The following SGCZ variants were observed in gnomAD, a reference collection of about 807,000 sequenced individuals.
SGCZ encodes the protein zeta-sarcoglycan.
Under a neutral mutation model 41.3 loss-of-function variants are expected in SGCZ, and 40 were observed. That is an observed-to-expected ratio of 0.97 (90% CI 0.75 to 1.26). SGCZ has a LOEUF of 1.26. SGCZ is among the 50% of genes most tolerant of loss of function. SGCZ has a pLI of 0.00. For synonymous variants in SGCZ, 206 were observed against 137.5 expected (o/e 1.50, Z -3.49); for missense variants, 552 against 369.8 (o/e 1.49, Z -4.04).
intron 1 of SGCZ, among the ~76,000 whole-genome samples, chr8:14,629,594 A>C (rs1019465350): frequency 6.6e-6 from 1 of 152,048 alleles, no homozygotes; most frequent in Admixed American, 6.6e-5. Context: ...CTGGAAAGTG[A>C]CTTGTTGGAA....
At chr8:14,823,942 C>A (rs1242897140) in intron 1 of SGCZ, among the ~76,000 whole-genome samples, 1 of 151,162 alleles carries the variant, frequency 6.6e-6, no homozygotes, top group African/African-American at 2.4e-5. Context: ...TGGATGAACA[C>A]AGAGGACATG....
chr8:14,239,899 C>A, intron 3 of SGCZ, among the ~76,000 whole-genome samples: 1 of 83,428 alleles, frequency 1.2e-5, no homozygotes, highest in Admixed American at 1.5e-4. Flanking sequence ...GAGACTCCGT[C>A]TCAAAAAAAA....
intron 1 of SGCZ, among the ~76,000 whole-genome samples, chr8:14,788,081 A>T (rs572687750): frequency 3.9e-5 from 6 of 152,174 alleles, no homozygotes; most frequent in Non-Finnish European, 7.3e-5. Context: ...TACCAAAAGG[A>T]AAGTTACTGT....
intron 1 of SGCZ, among the ~76,000 whole-genome samples, chr8:15,114,107 A>T (rs1337467708): frequency 6.6e-6 from 1 of 152,176 alleles, no homozygotes; most frequent in Non-Finnish European, 1.5e-5. Context: ...GCTTAATTCT[A>T]TTTAATGTAA....
At chr8:14,868,276 G>A (rs1254309374) in intron 1 of SGCZ, among the ~76,000 whole-genome samples, 2 of 152,146 alleles carry the variant, frequency 1.3e-5, no homozygotes, top group Non-Finnish European at 2.9e-5. Context: ...GGTAAGCTCT[G>A]CTCAAATCTT....
intron 4 of SGCZ, among the ~76,000 whole-genome samples, chr8:14,195,076 G>C (rs1184022608): frequency 6.6e-6 from 1 of 152,026 alleles, no homozygotes; most frequent in Non-Finnish European, 1.5e-5. Flanking sequence ...AGATTACTAG[G>C]CATTAACAGG....
At chr8:14,966,108 T>C (rs2061982) in intron 1 of SGCZ, among the ~76,000 whole-genome samples, 2 of 151,682 alleles carry the variant, frequency 1.3e-5, no homozygotes, top group Non-Finnish European at 2.9e-5. Flanking sequence ...TGAAAAGCTA[T>C]AAGAAAGGCT....
At chr8:14,621,362 A>T (rs1336066686) in intron 1 of SGCZ, among the ~76,000 whole-genome samples, 6 of 151,878 alleles carry the variant, frequency 4.0e-5, no homozygotes, top group African/African-American at 1.5e-4. Flanking sequence ...GGTGCAGCAC[A>T]CCAACATGGC....
chr8:15,050,545 A>G (rs749048054), intron 1 of SGCZ, among the ~76,000 whole-genome samples: 3 of 152,196 alleles, frequency 2.0e-5, no homozygotes, highest in Admixed American at 6.5e-5. Context: ...GAAGAGAACT[A>G]TGAGTATGCG....
At chr8:15,068,442 G>C (rs955486281) in intron 1 of SGCZ, among the ~76,000 whole-genome samples, 4 of 152,102 alleles carry the variant, frequency 2.6e-5, no homozygotes, top group Non-Finnish European at 2.9e-5. Flanking sequence ...CAGGGATTGG[G>C]CTAAATTCAT....
chr8:14,541,978 T>C (rs1463251152), intron 2 of SGCZ, among the ~76,000 whole-genome samples: 1 of 152,022 alleles, frequency 6.6e-6, no homozygotes, highest in Non-Finnish European at 1.5e-5. Context: ...TGATGAGGCT[T>C]TTTGTTTTTT....
At chr8:14,115,332 C>A (rs562242070) in intron 5 of SGCZ, among the ~76,000 whole-genome samples, 1 of 152,050 alleles carries the variant, frequency 6.6e-6, no homozygotes, top group South Asian at 2.1e-4. Flanking sequence ...ATATTTGATT[C>A]AATTTACAGC....
At chr8:14,510,808 G>C (rs1036232064) in intron 2 of SGCZ, among the ~76,000 whole-genome samples, 1 of 152,098 alleles carries the variant, frequency 6.6e-6, no homozygotes, top group Admixed American at 6.6e-5. Context: ...AGAGAGGTAT[G>C]TAAATAAAAA....
Position 14,416,839 on chromosome 8 carries a change from G to C in SGCZ, c.235-92635C>G, listed in dbSNP as rs149481144. ...AATATACATCTCACAGTTTATTGAA[G>C]ATTAAGTAGAATAATGAGTATAAAA... is the stretch of plus-strand genomic sequence containing the variant. On this transcript the variant is annotated intron_variant, in intron 2 of 7. Transcript: ENST00000382080. Among the ~76,000 whole-genome samples the C allele has an allele frequency of 5.3e-4, 81 of 151,896 alleles. 3 individuals carry two copies. The highest frequency in any genetic ancestry group is 1.9e-3 in the African/African-American group (79 of 41,476).
chr8:14,527,567 C>A (rs970451117), intron 2 of SGCZ, among the ~76,000 whole-genome samples: 1 of 151,970 alleles, frequency 6.6e-6, no homozygotes, highest in Non-Finnish European at 1.5e-5. Flanking sequence ...CATCAATAGC[C>A]CTTAAAAATG....
At chr8:14,325,755 T>A (rs1256358135) in intron 2 of SGCZ, among the ~76,000 whole-genome samples, 1 of 27,114 alleles carries the variant, frequency 3.7e-5, no homozygotes, top group Non-Finnish European at 5.6e-5. Context: ...CACATATATA[T>A]ATATATATAT....
intron 3 of SGCZ, among the ~76,000 whole-genome samples, chr8:14,272,358 T>G (rs941076071): frequency 1.3e-5 from 2 of 152,202 alleles, no homozygotes; most frequent in African/African-American, 4.8e-5. Context: ...GGTGACTATA[T>G]GACGGACTTT....
At chr8:14,666,605 G>A (rs1322694459) in intron 1 of SGCZ, among the ~76,000 whole-genome samples, 2 of 151,174 alleles carry the variant, frequency 1.3e-5, no homozygotes, top group African/African-American at 2.4e-5. Context: ...ATCAGTCTTT[G>A]GAACTGAGAA....
chr8:14,725,157 G>C lies in SGCZ; in HGVS notation c.40-170231C>G, dbSNP rs530344854. Among the ~76,000 whole-genome samples, 157 of 152,200 alleles carry C rather than the reference G, an allele frequency of 1.0e-3. 2 individuals are homozygous for C. Among genetic ancestry groups the C allele is most frequent in the African/African-American group, 3.6e-3 (151 of 41,530 alleles). Reference sequence around the variant, plus strand: ...CATAATGCTGTCCAATTCCATCCATGGTGTTGCAAATGACAGAATTTCATT... The same window carrying C: ...CATAATGCTGTCCAATTCCATCCATCGTGTTGCAAATGACAGAATTTCATT... On this transcript the variant is annotated intron_variant, in intron 1 of 7. Transcript: ENST00000382080.
Sources: allele counts gnomAD v4.1 joint callset (sites outside exome capture counted in the v4.1 genomes callset), GRCh38; gene constraint gnomAD v4.1.1; transcripts MANE v1.5; gene names NCBI Gene and HGNC (gene_info 2026-07-23, HGNC 2026-07-21).